MEI4: variants seen among roughly 807,000 people sequenced by gnomAD.
MEI4 encodes meiotic double-stranded break formation protein 4, also known as meiosis-specific protein MEI4.
Under a neutral mutation model 31.4 loss-of-function variants are expected in MEI4, and 27 were observed. The ratio of observed to expected loss-of-function variants is 0.86; its 90% CI spans 0.63 to 1.19. The LOEUF (loss-of-function observed/expected upper bound fraction) is 1.19, where lower values mean the gene tolerates loss of function less well. Among genes scored for constraint, MEI4 ranks in the 50% most tolerant of loss-of-function variants. The pLI is 0.00. For synonymous variants in MEI4, 122 were observed against 145.4 expected, an observed-to-expected ratio of 0.84 and a Z score of 1.16; for missense variants, 329 against 398.9, an observed-to-expected ratio of 0.82 and a Z score of 1.49.
intron 4 of MEI4, among the ~76,000 whole-genome samples, chr6:77,878,895 G>T (rs1302296208): frequency 6.6e-6 from 1 of 152,050 alleles, no homozygotes; most frequent in Admixed American, 6.6e-5. Flanking sequence ...AATGCATATA[G>T]TATGGCAACG....
intron 4 of MEI4, among the ~76,000 whole-genome samples, chr6:77,879,015 T>C (rs889776403): frequency 6.6e-6 from 1 of 152,132 alleles, no homozygotes. Context: ...TTTTTTTCAA[T>C]GTTGCTGAGA....
At chr6:77,772,354 A>G (rs1322284697) in intron 3 of MEI4, among the ~76,000 whole-genome samples, 1 of 152,034 alleles carries the variant, frequency 6.6e-6, no homozygotes, top group Non-Finnish European at 1.5e-5. Flanking sequence ...ACAACACATT[A>G]AAAAGGTCAT....
intron 3 of MEI4, among the ~76,000 whole-genome samples, chr6:77,803,731 G>A (rs1480949809): frequency 1.3e-5 from 2 of 152,196 alleles, no homozygotes; most frequent in East Asian, 1.9e-4. Context: ...GTTTGCTGGA[G>A]GTCCACTCCA....
intron 3 of MEI4, among the ~76,000 whole-genome samples, chr6:77,795,641 G>C (rs1382202122): frequency 6.6e-6 from 1 of 152,020 alleles, no homozygotes; most frequent in Non-Finnish European, 1.5e-5. Flanking sequence ...AGAGACTACT[G>C]TGAACATTAT....
chr6:77,726,572 G>A (rs558006096), intron 2 of MEI4, among the ~76,000 whole-genome samples: 2 of 152,210 alleles, frequency 1.3e-5, no homozygotes, highest in African/African-American at 4.8e-5. Flanking sequence ...TATGTCCAGG[G>A]CACAAAATAT....
Position 77,910,096 on chromosome 6 carries a change from G to A in MEI4, c.901-12993G>A, listed in dbSNP as rs1283820404. Among the ~76,000 whole-genome samples the A allele has an allele frequency of 7.9e-5, 12 of 152,220 alleles. No homozygotes were observed. In the South Asian group the frequency reaches 1.0e-3, roughly 13 times the overall value. On this transcript the variant is annotated intron_variant, in intron 4 of 4. Transcript: ENST00000684080. The stretch of plus-strand genomic sequence containing the variant: ...GCTGTCTATGACAAACCCACAGCCA[G>A]TATCATACTGAATGGGCAAAAACTG...
At chr6:77,912,581 A>C (rs1015860755) in intron 4 of MEI4, among the ~76,000 whole-genome samples, 2 of 152,012 alleles carry the variant, frequency 1.3e-5, no homozygotes, top group African/African-American at 4.8e-5. Context: ...AGTATTTTAA[A>C]TGGGATTACC....
At chr6:77,866,428 C>T (rs1244662416) in intron 4 of MEI4, among the ~76,000 whole-genome samples, 2 of 152,166 alleles carry the variant, frequency 1.3e-5, no homozygotes, top group African/African-American at 2.4e-5. Flanking sequence ...CATTCTTATA[C>T]ACCAATAACA....
At position 77,924,068 on chromosome 6, in the gene MEI4, A is replaced by T. The variant is rs1241840024; in HGVS notation, c.*722A>T. On this transcript the variant is annotated 3_prime_UTR_variant, in exon 5 of 5. Coordinates refer to ENST00000684080, the MANE Select transcript of MEI4 (RefSeq NM_001322247.2). Reference sequence around the variant, plus strand: ...ATAGTATACAATTAAGTCACTAGACATATTTTATAAATTCTAATATCCATC... The same window carrying T: ...ATAGTATACAATTAAGTCACTAGACTTATTTTATAAATTCTAATATCCATC... 1.3e-5 allele frequency: 2 copies of T among 151,788 alleles called. No homozygotes were observed. Among genetic ancestry groups the T allele is most frequent in the Non-Finnish European group, 2.9e-5 (2 of 67,838 alleles). The allele number at this position is 151,788 out of a possible 1,614,324, so 9.4% of individuals were successfully genotyped here. A position where few individuals can be genotyped will look rare whatever the true frequency, so the allele number is the denominator to read the frequency against.
chr6:77,859,699 T>G (rs1770824509), intron 4 of MEI4, among the ~76,000 whole-genome samples: 1 of 152,044 alleles, frequency 6.6e-6, no homozygotes, highest in Non-Finnish European at 1.5e-5. Flanking sequence ...CAGAAAGGAT[T>G]CTTATTGGGG....
chr6:77,901,083 A>G (rs934000939), intron 4 of MEI4, among the ~76,000 whole-genome samples: 2 of 151,970 alleles, frequency 1.3e-5, no homozygotes, highest in South Asian at 4.1e-4. Flanking sequence ...CATTGTATAT[A>G]TATATAGTAC....
chr6:77,711,882 G>A (rs961471327), intron 2 of MEI4, among the ~76,000 whole-genome samples: 1 of 152,066 alleles, frequency 6.6e-6, no homozygotes, highest in Non-Finnish European at 1.5e-5. Context: ...CTGAACATTT[G>A]GGGTATACTT....
chr6:77,806,295 G>A (rs1422592658), intron 3 of MEI4, among the ~76,000 whole-genome samples: 1 of 151,924 alleles, frequency 6.6e-6, no homozygotes, highest in African/African-American at 2.4e-5. Flanking sequence ...ATCTACTCTG[G>A]GAGGCTGAAG....
intron 2 of MEI4, among the ~76,000 whole-genome samples, chr6:77,739,857 G>C (rs1485313615): frequency 6.6e-6 from 1 of 151,962 alleles, no homozygotes; most frequent in African/African-American, 2.4e-5. Context: ...GGATTGCTTG[G>C]CTCTTGGTTC....
At chr6:77,856,830 A>G (rs1770758131) in intron 4 of MEI4, among the ~76,000 whole-genome samples, 1 of 152,028 alleles carries the variant, frequency 6.6e-6, no homozygotes, top group African/African-American at 2.4e-5. Flanking sequence ...TTATCCACCT[A>G]CCTATACACT....
chr6:77,786,900 C>T (rs962950935), intron 3 of MEI4, among the ~76,000 whole-genome samples: 2 of 152,148 alleles, frequency 1.3e-5, no homozygotes, highest in Non-Finnish European at 2.9e-5. Context: ...TGGATAACTA[C>T]ATCATGTTGA....
At chr6:77,908,965 G>A (rs1766365625) in intron 4 of MEI4, among the ~76,000 whole-genome samples, 1 of 151,962 alleles carries the variant, frequency 6.6e-6, no homozygotes, top group Non-Finnish European at 1.5e-5. Flanking sequence ...AGTTAACAAG[G>A]ATATCCAGAA....
intron 4 of MEI4, among the ~76,000 whole-genome samples, chr6:77,909,621 C>A (rs1766384519): frequency 1.3e-5 from 2 of 152,046 alleles, no homozygotes; most frequent in South Asian, 2.1e-4. Flanking sequence ...CCAAATTCTA[C>A]CAGACGTACA....
At chr6:77,785,636 T>G (rs1768715157) in intron 3 of MEI4, among the ~76,000 whole-genome samples, 1 of 152,194 alleles carries the variant, frequency 6.6e-6, no homozygotes, top group Non-Finnish European at 1.5e-5. Context: ...GCATATTTGC[T>G]TATTTTTATG....
Sources: allele counts gnomAD v4.1 joint callset (sites outside exome capture counted in the v4.1 genomes callset), GRCh38; gene constraint gnomAD v4.1.1; transcripts MANE v1.5; gene names NCBI Gene and HGNC (gene_info 2026-07-23, HGNC 2026-07-21).